Variants in PITPNC1 observed in about 807,000 individuals in gnomAD.
The protein encoded by PITPNC1 is phosphatidylinositol transfer protein cytoplasmic 1.
PITPNC1 carries 18 observed loss-of-function variants against 44.7 expected under a neutral mutation model. That is an observed-to-expected ratio of 0.40 (90% CI 0.28 to 0.60). The LOEUF (loss-of-function observed/expected upper bound fraction) is 0.60. PITPNC1 is among the 20% of genes least tolerant of loss of function. The pLI is 0.39. For synonymous variants in PITPNC1, 141 were observed against 149.6 expected (o/e 0.94, Z 0.42); for missense variants, 290 against 418.4 (o/e 0.69, Z 2.68).
At chr17:67,428,687 C>T (rs957855364) in intron 1 of PITPNC1, among the ~76,000 whole-genome samples, 2 of 152,056 alleles carry the variant, frequency 1.3e-5, no homozygotes, top group Non-Finnish European at 2.9e-5. Flanking sequence ...ATGTACTACT[C>T]TAAGAAAAAC....
chr17:67,471,851 T>C (rs2144005341), intron 1 of PITPNC1, among the ~76,000 whole-genome samples: 1 of 152,220 alleles, frequency 6.6e-6, no homozygotes, highest in South Asian at 2.1e-4. Flanking sequence ...CTAATGTCCT[T>C]TTTCTGTTCC....
chr17:67,472,882 A>AT (rs113115701), intron 1 of PITPNC1, among the ~76,000 whole-genome samples: 17,501 of 144,482 alleles, frequency 0.12, 1,341 homozygotes, highest in African/African-American at 0.22. Flanking sequence ...TTAATGTGGT[A>AT]TTTTTTTTTT....
intron 6 of PITPNC1, among the ~76,000 whole-genome samples, chr17:67,654,545 C>CT (rs776026087): frequency 1.3e-5 from 2 of 152,214 alleles, no homozygotes; most frequent in Non-Finnish European, 2.9e-5. Context: ...GGGATGTCTC[C>CT]TGTGCATCAC....
At chr17:67,470,222 C>G (rs1374015411) in intron 1 of PITPNC1, among the ~76,000 whole-genome samples, 1 of 152,104 alleles carries the variant, frequency 6.6e-6, no homozygotes, top group Non-Finnish European at 1.5e-5. Context: ...CACACCTGGC[C>G]ATATTGTGAT....
chr17:67,413,338 G>A (rs2038532672), intron 1 of PITPNC1, among the ~76,000 whole-genome samples: 1 of 151,348 alleles, frequency 6.6e-6, no homozygotes, highest in Non-Finnish European at 1.5e-5. Context: ...CTCAGCTATA[G>A]AATTACTGAA....
intron 5 of PITPNC1, among the ~76,000 whole-genome samples, chr17:67,620,776 C>T (rs1297817837): frequency 6.6e-6 from 1 of 152,144 alleles, no homozygotes; most frequent in Non-Finnish European, 1.5e-5. Flanking sequence ...GCCTTAATAC[C>T]CCTGAAATCC....
In PITPNC1 at chr17:67,567,896, C is replaced by A. The variant is rs146854387; in HGVS notation, c.295-10290C>A. 7.4e-3 allele frequency among the ~76,000 whole-genome samples: 1,118 copies of A among 151,724 alleles called. 13 individuals are homozygous for A. Among genetic ancestry groups the A allele is most frequent in the African/African-American group, 0.026 (1,055 of 41,348 alleles). On this transcript the variant is annotated intron_variant, in intron 4 of 8. Coordinates refer to ENST00000581322, the MANE Select transcript of PITPNC1 (RefSeq NM_012417.4). Reference sequence around the variant, plus strand: ...GCTGAGGCAGGAGAATCGCTTGAACCCAGGGGGTGGAATTGCAATGAGCCA... The same window carrying A: ...GCTGAGGCAGGAGAATCGCTTGAACACAGGGGGTGGAATTGCAATGAGCCA...
intron 5 of PITPNC1, among the ~76,000 whole-genome samples, chr17:67,618,023 A>G (rs2041782021): frequency 6.6e-6 from 1 of 152,134 alleles, no homozygotes; most frequent in Admixed American, 6.6e-5. Flanking sequence ...ATCAATATAT[A>G]CCATACAACC....
chr17:67,593,104 G>A (rs1598862009), intron 5 of PITPNC1, among the ~76,000 whole-genome samples: 1 of 152,044 alleles, frequency 6.6e-6, no homozygotes, highest in African/African-American at 2.4e-5. Context: ...TTCCAAAAGT[G>A]TTTACAAACC....
rs1457231684 is a variant in PITPNC1 at position 67,386,424 on chromosome 17, C to T, written c.48+8222C>T. On this transcript the variant is annotated intron_variant, in intron 1 of 8. Transcript: ENST00000581322. ...TCCAGGCTGGTCTCGAACTCCTGAC[C>T]TCAGGTGATCCACCCGCCTCGGCCT... Among the ~76,000 whole-genome samples, 3 of 152,140 alleles carry T rather than the reference C, an allele frequency of 2.0e-5. No individual in the cohort carries two copies. In the South Asian group the frequency reaches 6.2e-4, roughly 31 times the overall value.
At chr17:67,643,397 AAAG>A (rs2042112133) in intron 6 of PITPNC1, among the ~76,000 whole-genome samples, 1 of 152,176 alleles carries the variant, frequency 6.6e-6, no homozygotes, top group South Asian at 2.1e-4. Context: ...AAAAAGAAAG[AAAG>A]AAAGAACCCT....
chr17:67,509,039 G>A (rs1480230243), intron 1 of PITPNC1, among the ~76,000 whole-genome samples: 2 of 151,966 alleles, frequency 1.3e-5, no homozygotes, highest in South Asian at 2.1e-4. Context: ...TTCGAGACCA[G>A]CCTGACCAAC....
At chr17:67,403,760 G>T (rs983840798) in intron 1 of PITPNC1, among the ~76,000 whole-genome samples, 1 of 152,174 alleles carries the variant, frequency 6.6e-6, no homozygotes, top group Non-Finnish European at 1.5e-5. Flanking sequence ...TATGTCTCAC[G>T]GCTGTAATCC....
chr17:67,408,380 A>G (rs2038432051), intron 1 of PITPNC1, among the ~76,000 whole-genome samples: 1 of 149,226 alleles, frequency 6.7e-6, no homozygotes, highest in South Asian at 2.2e-4. Flanking sequence ...AAATACAAAA[A>G]TTAGCCAGGT....
chr17:67,402,749 C>T (rs1444403485), intron 1 of PITPNC1, among the ~76,000 whole-genome samples: 1 of 152,198 alleles, frequency 6.6e-6, no homozygotes, highest in Non-Finnish European at 1.5e-5. Context: ...TCACTGCAAT[C>T]TTCCCCTCCC....
At chr17:67,425,403 T>C (rs2038749207) in intron 1 of PITPNC1, among the ~76,000 whole-genome samples, 2 of 151,902 alleles carry the variant, frequency 1.3e-5, no homozygotes, top group South Asian at 2.1e-4. Flanking sequence ...ACTTTTTTTT[T>C]CTTTTCTTTC....
At chr17:67,379,315 G>C (rs2037922584) in intron 1 of PITPNC1, 1 of 985,360 alleles carries the variant, frequency 1.0e-6, no homozygotes. Context: ...TGCTTTGGGA[G>C]AGAAAAAGAT....
At chr17:67,527,684 G>A (rs966709497) in intron 1 of PITPNC1, among the ~76,000 whole-genome samples, 8 of 151,670 alleles carry the variant, frequency 5.3e-5, no homozygotes, top group Non-Finnish European at 1.2e-4. Context: ...CTGGGAGACA[G>A]AGCGAGACTC....
chr17:67,567,275 G>T (rs1447771621), intron 4 of PITPNC1, among the ~76,000 whole-genome samples: 2 of 152,002 alleles, frequency 1.3e-5, no homozygotes, highest in Non-Finnish European at 2.9e-5. Context: ...CATGAGGTCA[G>T]GAGATCGAGA....
Sources: allele counts gnomAD v4.1 joint callset (sites outside exome capture counted in the v4.1 genomes callset), GRCh38; gene constraint gnomAD v4.1.1; transcripts MANE v1.5; gene names NCBI Gene and HGNC (gene_info 2026-07-23, HGNC 2026-07-21).